Variants in ALDH1A3 observed in about 807,000 individuals in gnomAD.
ALDH1A3 encodes the protein retinaldehyde dehydrogenase 3.
In ALDH1A3, 28 loss-of-function variants were observed where a neutral mutation model predicts 57.5. That is an observed-to-expected ratio of 0.49 (90% CI 0.36 to 0.67). The LOEUF (loss-of-function observed/expected upper bound fraction) is 0.67. Ranked by LOEUF, ALDH1A3 falls within the 30% of genes least tolerant of loss-of-function variation. The probability of loss-of-function intolerance (pLI) is 0.00; values close to 1 mark genes in which losing one functional copy is unlikely to be tolerated. For missense variants in ALDH1A3, 507 were observed against 669.4 expected (o/e 0.76, Z 2.68); for synonymous variants, 281 against 264.8 (o/e 1.06, Z -0.59).
At chr15:100,890,159 C>A (rs530636209) in intron 3 of ALDH1A3, among the ~76,000 whole-genome samples, 10 of 152,290 alleles carry the variant, frequency 6.6e-5, no homozygotes, top group Admixed American at 2.0e-4. Context: ...CTTTTCACCC[C>A]AAGTGCCATT....
At position 100,887,833 on chromosome 15, in the gene ALDH1A3, A is replaced by G. The variant is rs2041612214; in HGVS notation, c.345+121A>G. ...TTTTGTGTGGTCGTGGGTCTGTTCC[A>G]TCCTCTGAGACACGGCTCTCTGGCA... is the stretch of plus-strand genomic sequence containing the variant. On this transcript the variant is annotated intron_variant, in intron 3 of 12. Coordinates refer to ENST00000329841, the MANE Select transcript of ALDH1A3 (RefSeq NM_000693.4). This position sits in a 1 kb window ranked among gnomAD's most constrained non-coding sequence, Gnocchi z 4.6. The G allele has an allele frequency of 2.4e-6, 3 of 1,225,136 alleles. No homozygotes were observed. The highest frequency in any genetic ancestry group is 5.5e-5 in the East Asian group (2 of 36,340). 75.9% of individuals were successfully genotyped at this position (1,225,136 alleles called of 1,614,324 possible).
intron 9 of ALDH1A3, among the ~76,000 whole-genome samples, chr15:100,903,044 A>T (rs1257638782): frequency 6.6e-6 from 1 of 152,194 alleles, no homozygotes; most frequent in Admixed American, 6.5e-5. Flanking sequence ...CTCTTCCGGG[A>T]TCTGTTGCAA....
intron 7 of ALDH1A3, among the ~76,000 whole-genome samples, chr15:100,897,569 T>C (rs1244047833): frequency 6.6e-6 from 1 of 151,856 alleles, no homozygotes; most frequent in African/African-American, 2.4e-5. Flanking sequence ...ATCGGCTCCT[T>C]CTCATCCGGA....
rs2041823641 is a variant in ALDH1A3 at position 100,906,506 on chromosome 15, AGGCCAGGCACC to A, written c.1234-614_1234-604del. Among the ~76,000 whole-genome samples, 1 of 152,236 alleles carries A rather than the reference AGGCCAGGCACC, an allele frequency of 6.6e-6. No homozygotes were observed. Among genetic ancestry groups the A allele is most frequent in the African/African-American group, 2.4e-5 (1 of 41,464 alleles). On this transcript the variant is annotated intron_variant, in intron 10 of 12. Coordinates refer to ENST00000329841, the MANE Select transcript of ALDH1A3 (RefSeq NM_000693.4). The surrounding 1 kb of genome is among the most constrained non-coding windows in gnomAD (Gnocchi z 4.8). The stretch of plus-strand genomic sequence containing the variant: ...TGGGGAACCCGGAAGGTATTTTGGC[AGGCCAGGCACC>A]ATCCTGCCGGCTTATAATTATGTCT...
intron 9 of ALDH1A3, among the ~76,000 whole-genome samples, chr15:100,903,157 C>G (rs1018704491): frequency 4.0e-5 from 6 of 151,886 alleles, no homozygotes; most frequent in African/African-American, 1.5e-4. Context: ...CCTCCCGCCC[C>G]CACCTTTGTA....
rs777213763 is a variant in ALDH1A3 at position 100,906,491 on chromosome 15, G to A, written c.1234-630G>A. ...TGTGACGAGAGGTCCTGGGGAACCC[G>A]GAAGGTATTTTGGCAGGCCAGGCAC... On this transcript the variant is annotated intron_variant, in intron 10 of 12. Coordinates refer to ENST00000329841, the MANE Select transcript of ALDH1A3 (RefSeq NM_000693.4). This position sits in a 1 kb window ranked among gnomAD's most constrained non-coding sequence, Gnocchi z 4.8. Among the ~76,000 whole-genome samples the A allele has an allele frequency of 4.6e-5, 7 of 152,190 alleles. No homozygotes were observed. Among genetic ancestry groups the A allele is most frequent in the South Asian group, 2.1e-4 (1 of 4,826 alleles).
At chr15:100,881,129 G>A (rs1330059497) in intron 1 of ALDH1A3, 1 of 152,260 alleles carries the variant, frequency 6.6e-6, no homozygotes, top group Non-Finnish European at 1.5e-5. Flanking sequence ...GGAGAAAGTT[G>A]CAGGGCACTA....
rs1488625095 is a variant in ALDH1A3, at chr15:100,908,391, C to A, written c.1392-17C>A. 2 of 1,611,250 alleles carry A rather than the reference C, an allele frequency of 1.2e-6. No individual in the cohort carries two copies. Among genetic ancestry groups the A allele is most frequent in the Non-Finnish European group, 1.7e-6 (2 of 1,177,468 alleles). ...TCTTCTCCAGATGACTCTGAGCTTT[C>A]TTCCATTCTTTTCTAGGATCAACTG... is the stretch of plus-strand genomic sequence containing the variant. On this transcript the variant is annotated splice_polypyrimidine_tract_variant and intron_variant, in intron 11 of 12. Coordinates refer to ENST00000329841, the MANE Select transcript of ALDH1A3 (RefSeq NM_000693.4).
Position 100,883,329 on chromosome 15 carries a change from C to T in ALDH1A3, c.100-1938C>T, listed in dbSNP as rs140467104. Among the ~76,000 whole-genome samples the T allele has an allele frequency of 6.6e-5, 10 of 152,310 alleles. 1 individual carries two copies. The East Asian group carries it at 1.5e-3, about 23-fold the overall frequency. On this transcript the variant is annotated intron_variant, in intron 1 of 12. Transcript: ENST00000329841. ...TCTTCTTCCTCAGTTATTAATTTCT[C>T]GCTGTTACCAAGTGATGACTTGCTG...
At chr15:100,885,752 T>C (rs1410724436) in intron 2 of ALDH1A3, among the ~76,000 whole-genome samples, 1 of 152,078 alleles carries the variant, frequency 6.6e-6, no homozygotes, top group East Asian at 1.9e-4. Context: ...AATGAAGCTT[T>C]CTGGCAGAAG....
At chr15:100,897,989 C>T (rs2041724951) in intron 7 of ALDH1A3, 94 bp from the exon 8 acceptor site, 2 of 1,222,228 alleles carry the variant, frequency 1.6e-6, no homozygotes, top group Non-Finnish European at 2.4e-6. Context: ...GTGGCACTGC[C>T]ACCCGGGCTT....
intron 7 of ALDH1A3, 86 bp downstream of exon 7, chr15:100,896,132 T>G: frequency 9.2e-7 from 1 of 1,086,726 alleles, no homozygotes; most frequent in Non-Finnish European, 1.4e-6. Context: ...GGCTTTAATA[T>G]GATTTGTTTT....
rs188694308 is a variant in ALDH1A3 at position 100,907,232 on chromosome 15, G to A, written c.1345G>A (p.Asp449Asn). The change falls in exon 11 of 13, where the codon GAC becomes AAC. Residue 449 changes from aspartate (D) to asparagine (N), a missense_variant. Coordinates refer to ENST00000329841, the MANE Select transcript of ALDH1A3 (RefSeq NM_000693.4). ...AGCAGCCGTGTTCACAAAAAATCTC[G>A]ACAAAGCCCTGAAGTTGGCTTCTGC... ...LTAAVFTKNL[D>N]KALKLASALE... 8.7e-6 allele frequency: 14 copies of A among 1,614,194 alleles called. No homozygotes were observed. The highest frequency in any genetic ancestry group is 5.0e-5 in the Admixed American group (3 of 60,032).
chr15:100,892,294 A>G, intron 3 of ALDH1A3: 2 of 593,310 alleles, frequency 3.4e-6, no homozygotes. Context: ...CCTGCAGCCC[A>G]CTTTAGGTGT....
intron 10 of ALDH1A3, among the ~76,000 whole-genome samples, 174 bp downstream of exon 10, chr15:100,905,861 T>G (rs1411851708): frequency 6.6e-6 from 1 of 151,906 alleles, no homozygotes; most frequent in African/African-American, 2.4e-5. Context: ...TTGGGGTCCC[T>G]AGGGAAGCCG....
chr15:100,907,404 C>A, intron 11 of ALDH1A3, 126 bp downstream of exon 11: 2 of 1,110,058 alleles, frequency 1.8e-6, no homozygotes, highest in Non-Finnish European at 1.3e-6. Flanking sequence ...TGTCTCAGTG[C>A]TTCCTTCCAT....
intron 1 of ALDH1A3, among the ~76,000 whole-genome samples, chr15:100,883,795 G>A (rs557627811): frequency 5.9e-5 from 9 of 152,306 alleles, no homozygotes; most frequent in Admixed American, 3.3e-4. Flanking sequence ...GAGCTGTGGA[G>A]TTTATACAGG....
chr15:100,911,499 C>T (rs1040241376), intron 12 of ALDH1A3, among the ~76,000 whole-genome samples: 6 of 152,250 alleles, frequency 3.9e-5, no homozygotes, highest in Non-Finnish European at 8.8e-5. Flanking sequence ...TTCCATCATT[C>T]ATTTGCTCAT....
Position 100,879,915 on chromosome 15 carries a change from C to T in ALDH1A3, c.8C>T (p.Thr3Ile), listed in dbSNP as rs1231761763. The change falls in exon 1 of 13, where the codon ACC becomes ATC. Residue 3 changes from threonine to isoleucine, a missense_variant. Thr to Ile is a moderately conservative substitution (Grantham distance 89, BLOSUM62 -1). Coordinates refer to ENST00000329841, the MANE Select transcript of ALDH1A3 (RefSeq NM_000693.4). The stretch of plus-strand genomic sequence containing the variant: ...AGGGAGCGCGGAGGAGCCATGGCCA[C>T]CGCTAACGGGGCCGTGGAAAACGGG... The part of the protein sequence containing the change: MA[T>I]ANGAVENGQP... The T allele has an allele frequency of 2.1e-6, 3 of 1,456,600 alleles. No homozygotes were observed. Among genetic ancestry groups the T allele is most frequent in the Non-Finnish European group, 2.7e-6 (3 of 1,102,822 alleles). The allele number at this position is 1,456,600 out of a possible 1,614,324, so 90.2% of individuals were successfully genotyped here.
Sources: gnomAD v4.1 joint callset for allele counts (sites outside exome capture counted in the v4.1 genomes callset) on GRCh38, gnomAD v4.1.1 for gene constraint, Gnocchi (gnomAD v3.1) non-coding constraint, MANE v1.5 for transcripts, NCBI Gene and HGNC (gene_info 2026-07-23, HGNC 2026-07-21) for gene names.